The following AOAH variants were observed in gnomAD, a reference collection of about 807,000 sequenced individuals.
The protein encoded by AOAH is acyloxyacyl hydrolase.
AOAH carries 64 observed loss-of-function variants against 92.2 expected under a neutral mutation model. The observed-to-expected ratio is 0.69, with a 90% CI of 0.57 to 0.86. The LOEUF (loss-of-function observed/expected upper bound fraction) is 0.86, where lower values mean the gene tolerates loss of function less well. Ranked by LOEUF, AOAH falls within the 40% of genes least tolerant of loss-of-function variation. AOAH has a pLI of 0.00. For synonymous variants in AOAH, 263 were observed against 254.5 expected (o/e 1.03, Z -0.32); for missense variants, 656 against 694.6 (o/e 0.94, Z 0.62).
intron 1 of AOAH, among the ~76,000 whole-genome samples, chr7:36,713,280 A>C (rs1164272496): frequency 6.7e-6 from 1 of 149,632 alleles, no homozygotes; most frequent in Non-Finnish European, 1.5e-5. Flanking sequence ...AGAGCTAACT[A>C]TCCTAAATAT....
intron 19 of AOAH, among the ~76,000 whole-genome samples, chr7:36,529,331 A>G (rs1208514183): frequency 1.3e-5 from 2 of 152,114 alleles, no homozygotes; most frequent in South Asian, 2.1e-4. Context: ...TTGGTGGTGC[A>G]TTTGTTTACA....
At position 36,564,688 on chromosome 7, in the gene AOAH, A is replaced by T. The variant is rs147219290; in HGVS notation, c.1021+11886T>A. ...AGGAGCCCTGGCCATTGCCAATGACATTAAAAACATGTAAGGCATTTGCTT... is the reference window on the plus strand; with the variant it reads ...AGGAGCCCTGGCCATTGCCAATGACTTTAAAAACATGTAAGGCATTTGCTT... On this transcript the variant is annotated intron_variant, in intron 13 of 20. Coordinates refer to ENST00000617537, the MANE Select transcript of AOAH (RefSeq NM_001637.4). 3.7e-4 allele frequency among the ~76,000 whole-genome samples: 56 copies of T among 152,366 alleles called. No homozygotes were observed. In the East Asian group the frequency reaches 8.1e-3, roughly 22 times the overall value.
At chr7:36,682,674 G>A (rs2116737461) in intron 2 of AOAH, among the ~76,000 whole-genome samples, 1 of 151,614 alleles carries the variant, frequency 6.6e-6, no homozygotes, top group African/African-American at 2.4e-5. Context: ...AAGAACTCAG[G>A]AAAAAATAAA....
chr7:36,603,903 C>G (rs1185758882), intron 11 of AOAH, among the ~76,000 whole-genome samples: 2 of 152,182 alleles, frequency 1.3e-5, no homozygotes, highest in Non-Finnish European at 2.9e-5. Flanking sequence ...AGTCCATATT[C>G]TGCTATATTT....
intron 4 of AOAH, among the ~76,000 whole-genome samples, chr7:36,655,211 GACA>G (rs1794805613): frequency 6.6e-6 from 1 of 152,170 alleles, no homozygotes. Flanking sequence ...ATAAAGGGTG[GACA>G]ACAATACCTA....
Position 36,596,389 on chromosome 7 carries a change from T to C in AOAH, c.847-1959A>G, listed in dbSNP as rs559667685. ...TTGTGGACTGTTATGGGTTGAATTA[T>C]GTTTCTCGAAAAGATGTGTTGAAGT... is the stretch of plus-strand genomic sequence containing the variant. On this transcript the variant is annotated intron_variant, in intron 11 of 20. Coordinates refer to ENST00000617537, the MANE Select transcript of AOAH (RefSeq NM_001637.4). Among the ~76,000 whole-genome samples, 8 of 152,316 alleles carry C rather than the reference T, an allele frequency of 5.3e-5. No homozygotes were observed. In the South Asian group the frequency reaches 1.0e-3, roughly 20 times the overall value.
chr7:36,677,024 C>T (rs781503386), intron 2 of AOAH, among the ~76,000 whole-genome samples: 4 of 151,702 alleles, frequency 2.6e-5, no homozygotes, highest in Non-Finnish European at 4.4e-5. Context: ...GGTTAGGCAA[C>T]GTTTTCTTAG....
intron 13 of AOAH, among the ~76,000 whole-genome samples, chr7:36,565,267 T>A (rs1190903281): frequency 8.2e-3 from 1 of 122 alleles, no homozygotes; most frequent in Non-Finnish European, 0.02. Context: ...ATGTCCTCAT[T>A]GTTTGTTATA....
chr7:36,609,387 C>G (rs562533654), intron 11 of AOAH, among the ~76,000 whole-genome samples: 3 of 152,244 alleles, frequency 2.0e-5, no homozygotes, highest in Admixed American at 2.0e-4. Context: ...CAGTTTAAAA[C>G]CCTTCAATGG....
chr7:36,670,017 T>G (rs1317334607), intron 3 of AOAH, among the ~76,000 whole-genome samples: 2 of 152,094 alleles, frequency 1.3e-5, no homozygotes, highest in African/African-American at 4.8e-5. Context: ...CCTCCCTGCA[T>G]GACTCAGGTT....
chr7:36,534,980 GTGTT>G (rs1319160052), intron 16 of AOAH, among the ~76,000 whole-genome samples: 17 of 150,520 alleles, frequency 1.1e-4, no homozygotes, highest in Admixed American at 2.0e-4. Context: ...CTCTGTGTGT[GTGTT>G]TGTGTGTGTC....
chr7:36,569,400 C>G (rs17478284), intron 13 of AOAH, among the ~76,000 whole-genome samples: 13,708 of 152,120 alleles, frequency 0.09, 731 homozygotes, highest in Admixed American at 0.14. Context: ...GGATTGGTTT[C>G]TGTTCAAAAG....
At chr7:36,668,433 G>C (rs890821471) in intron 3 of AOAH, among the ~76,000 whole-genome samples, 1 of 152,164 alleles carries the variant, frequency 6.6e-6, no homozygotes, top group Non-Finnish European at 1.5e-5. Flanking sequence ...GTATCCACCT[G>C]TTTCTCCCCA....
At chr7:36,673,023 T>C (rs1028065576) in intron 3 of AOAH, among the ~76,000 whole-genome samples, 2 of 152,018 alleles carry the variant, frequency 1.3e-5, no homozygotes, top group South Asian at 4.2e-4. Flanking sequence ...CTCACTTGGG[T>C]GGGAAAAGCC....
At chr7:36,627,758 T>C (rs766051480) in intron 6 of AOAH, among the ~76,000 whole-genome samples, 1 of 152,174 alleles carries the variant, frequency 6.6e-6, no homozygotes, top group Non-Finnish European at 1.5e-5. Flanking sequence ...CCATGCAGCC[T>C]GGTGTCACTC....
intron 20 of AOAH, 122 bp downstream of exon 20, chr7:36,521,917 C>T: frequency 2.5e-6 from 2 of 801,584 alleles, no homozygotes; most frequent in South Asian, 1.6e-5. Context: ...CATGTATGTA[C>T]ACTACCTCAA....
Position 36,516,909 on chromosome 7 carries a change from C to A in AOAH, c.1600-3529G>T, listed in dbSNP as rs1235064183. On this transcript the variant is annotated intron_variant, in intron 20 of 20. Transcript: ENST00000617537. The surrounding 1 kb of genome is among the most constrained non-coding windows in gnomAD (Gnocchi z 5.0). ...TTTGAACGCAATTAGTTGGTTGTCA[C>A]TCTAATAAGGAATAAAATATTTATG... 6.6e-6 allele frequency among the ~76,000 whole-genome samples: 1 copy of A among 152,148 alleles called. No homozygotes were observed.
chr7:36,656,808 C>A (rs1039774295), intron 4 of AOAH, among the ~76,000 whole-genome samples: 1 of 141,300 alleles, frequency 7.1e-6, no homozygotes, highest in Non-Finnish European at 1.5e-5. Context: ...GACTTCACCA[C>A]GGCACCTAGA....
intron 4 of AOAH, among the ~76,000 whole-genome samples, chr7:36,645,532 A>G (rs377521045): frequency 6.6e-6 from 1 of 152,352 alleles, no homozygotes; most frequent in East Asian, 1.9e-4. Context: ...GACAAAGGCA[A>G]GAAGTTTTAC....
Sources: allele counts gnomAD v4.1 joint callset (sites outside exome capture counted in the v4.1 genomes callset), GRCh38; gene constraint gnomAD v4.1.1; non-coding constraint Gnocchi (gnomAD v3.1); transcripts MANE v1.5; gene names NCBI Gene and HGNC (gene_info 2026-07-23, HGNC 2026-07-21).